The following STRIT1 variants were observed in gnomAD, a reference collection of about 807,000 sequenced individuals.
The protein encoded by STRIT1 is small transmembrane regulator of ion transport 1.
At chr3:155,291,765 T>C (rs1473414203) in intron 1 of STRIT1, among the ~76,000 whole-genome samples, 2 of 152,174 alleles carry the variant, frequency 1.3e-5, no homozygotes, top group African/African-American at 4.8e-5. Flanking sequence ...TTTGTACTCT[T>C]ACCTGTAAAA....
chr3:155,290,709 T>C lies in STRIT1; in HGVS notation c.*142A>G. ...ATTGTCCTGAAGAAATTCTTATGCA[T>C]ACCAAAGTGCCAGTTTATGATCCAA... On this transcript the variant is annotated 3_prime_UTR_variant, in exon 3 of 3. Coordinates refer to ENST00000489090, the MANE Select transcript of STRIT1 (RefSeq NM_001352129.2). 2 of 327,284 alleles carry C rather than the reference T, an allele frequency of 6.1e-6. No homozygotes were observed. Among genetic ancestry groups the C allele is most frequent in the Non-Finnish European group, 1.1e-5 (2 of 182,004 alleles). 20.3% of individuals were successfully genotyped at this position (327,284 alleles called of 1,614,324 possible). A position where few individuals can be genotyped will look rare whatever the true frequency, so the allele number is the denominator to read the frequency against.
chr3:155,292,381 T>A (rs1715657182), intron 1 of STRIT1, among the ~76,000 whole-genome samples: 1 of 152,142 alleles, frequency 6.6e-6, no homozygotes. Context: ...AGCCTTTTTA[T>A]GAATTAAGGT....
rs1715689634 is a variant in STRIT1, at chr3:155,293,607, C to T, written c.13+13G>A. Reference sequence around the variant, plus strand: ...TTTTTTTTGCCAAGAGAATCCTATGCCTTAAATCTTACCTTTTTCAGCCAT... The same window carrying T: ...TTTTTTTTGCCAAGAGAATCCTATGTCTTAAATCTTACCTTTTTCAGCCAT... On this transcript the variant is annotated intron_variant, in intron 1 of 2. Transcript: ENST00000489090. 3 of 395,092 alleles carry T rather than the reference C, an allele frequency of 7.6e-6. No individual in the cohort carries two copies. In the Admixed American group the frequency reaches 1.3e-4, roughly 18 times the overall value. 24.5% of individuals were successfully genotyped at this position (395,092 alleles called of 1,614,324 possible).
intron 1 of STRIT1, among the ~76,000 whole-genome samples, 185 bp downstream of exon 1, chr3:155,293,435 C>A (rs936794267): frequency 5.9e-5 from 9 of 152,202 alleles, no homozygotes; most frequent in Non-Finnish European, 1.2e-4. Context: ...AACCTATAGA[C>A]CTGATCCATA....
chr3:155,291,481 C>A (rs971539121), intron 1 of STRIT1, among the ~76,000 whole-genome samples: 1 of 152,128 alleles, frequency 6.6e-6, no homozygotes, highest in Non-Finnish European at 1.5e-5. Context: ...TCTAATACAA[C>A]TCTGAGGCAA....
At chr3:155,293,115 CT>C (rs1715675543) in intron 1 of STRIT1, among the ~76,000 whole-genome samples, 1 of 151,824 alleles carries the variant, frequency 6.6e-6, no homozygotes, top group Non-Finnish European at 1.5e-5. Flanking sequence ...TTTTATATAA[CT>C]ATAAAATATA....
At chr3:155,292,290 C>T (rs1715655658) in intron 1 of STRIT1, among the ~76,000 whole-genome samples, 2 of 152,142 alleles carry the variant, frequency 1.3e-5, no homozygotes, top group Admixed American at 6.6e-5. Context: ...AAATGGAAAA[C>T]TCTTCTCTTT....
intron 1 of STRIT1, among the ~76,000 whole-genome samples, chr3:155,292,912 C>G (rs1715670197): frequency 6.6e-6 from 1 of 152,174 alleles, no homozygotes; most frequent in South Asian, 2.1e-4. Flanking sequence ...GGTGCCACCA[C>G]TCTTTAGCGA....
chr3:155,291,811 C>T (rs1715646180), intron 1 of STRIT1, among the ~76,000 whole-genome samples: 2 of 152,092 alleles, frequency 1.3e-5, no homozygotes, highest in Admixed American at 1.3e-4. Context: ...AAAGTATGCA[C>T]TGCATGTAAC....
At chr3:155,291,881 AC>A (rs1715647499) in intron 1 of STRIT1, among the ~76,000 whole-genome samples, 1 of 152,158 alleles carries the variant, frequency 6.6e-6, no homozygotes, top group African/African-American at 2.4e-5. Context: ...CCTACATCAC[AC>A]AAAAAGATTT....
At chr3:155,291,393 G>A (rs1016581444) in intron 1 of STRIT1, 11 of 166,390 alleles carry the variant, frequency 6.6e-5, no homozygotes, top group African/African-American at 9.5e-5. Context: ...TCTAACCACC[G>A]TGTGTGTTTA....
intron 1 of STRIT1, among the ~76,000 whole-genome samples, chr3:155,293,348 T>C (rs1291315983): frequency 1.3e-5 from 2 of 152,080 alleles, no homozygotes; most frequent in Non-Finnish European, 2.9e-5. Context: ...GGAGAACTGA[T>C]TTCTAACTCA....
In STRIT1 at chr3:155,290,750, T is replaced by A. The variant is rs1180262978; in HGVS notation, c.*101A>T. ...TATGATCCAAGTTTGTAAAGTGATG[T>A]CAAACATTGCATTGTTTAACATGAG... On this transcript the variant is annotated 3_prime_UTR_variant, in exon 3 of 3. Transcript: ENST00000489090. 2.7e-6 allele frequency: 1 copy of A among 368,428 alleles called. No homozygotes were observed. The highest frequency in any genetic ancestry group is 4.8e-6 in the Non-Finnish European group (1 of 207,534). 22.8% of individuals were successfully genotyped at this position (368,428 alleles called of 1,614,324 possible). A position where few individuals can be genotyped will look rare whatever the true frequency, so the allele number is the denominator to read the frequency against.
intron 1 of STRIT1, among the ~76,000 whole-genome samples, chr3:155,293,131 C>CA (rs899957535): frequency 3.4e-4 from 52 of 151,728 alleles, no homozygotes; most frequent in South Asian, 1.3e-3. Flanking sequence ...AATATAAATA[C>CA]AAAAAAATGT....
intron 1 of STRIT1, chr3:155,291,269 T>C (rs1715627933): frequency 3.0e-6 from 1 of 329,048 alleles, no homozygotes; most frequent in African/African-American, 2.1e-5. Context: ...CTTTGGCAAT[T>C]CTGGGCTTGA....
rs1230400910 is a variant in STRIT1 at position 155,290,670 on chromosome 3, A to C, written c.*181T>G. The C allele has an allele frequency of 3.9e-6, 1 of 256,596 alleles. No homozygotes were observed. Among genetic ancestry groups the C allele is most frequent in the Non-Finnish European group, 7.3e-6 (1 of 137,398 alleles). 15.9% of individuals were successfully genotyped at this position (256,596 alleles called of 1,614,324 possible). On this transcript the variant is annotated 3_prime_UTR_variant, in exon 3 of 3. Coordinates refer to ENST00000489090, the MANE Select transcript of STRIT1 (RefSeq NM_001352129.2). Reference sequence around the variant, plus strand: ...TCTCACTCAGAATATAGAGAAATTCACTCATAATTTCTTATTGTCCTGAAG... The same window carrying C: ...TCTCACTCAGAATATAGAGAAATTCCCTCATAATTTCTTATTGTCCTGAAG...
chr3:155,292,379 T>C (rs1715657089), intron 1 of STRIT1, among the ~76,000 whole-genome samples: 1 of 152,170 alleles, frequency 6.6e-6, no homozygotes, highest in Non-Finnish European at 1.5e-5. Context: ...AAAGCCTTTT[T>C]ATGAATTAAG....
rs1177624246 is a variant in STRIT1, at chr3:155,290,537, TTCTC to T, written c.*310_*313del. The T allele has an allele frequency of 1.3e-5, 2 of 151,404 alleles. 1 individual carries two copies. Among genetic ancestry groups the T allele is most frequent in the African/African-American group, 4.9e-5 (2 of 41,202 alleles). The allele number at this position is 151,404 out of a possible 1,614,324, so 9.4% of individuals were successfully genotyped here. On this transcript the variant is annotated 3_prime_UTR_variant, in exon 3 of 3. Transcript: ENST00000489090. ...CCACCTTGCACAGCCTCAGCCCACT[TTCTC>T]TATAGTTTTTTCCAGAGGGAAGGGG...
intron 1 of STRIT1, 149 bp from the exon 2 acceptor site, chr3:155,291,187 A>G: frequency 5.2e-6 from 2 of 386,010 alleles, no homozygotes. Flanking sequence ...TCTTTTCTAC[A>G]GAGAATACGT....
Sources: allele counts gnomAD v4.1 joint callset (sites outside exome capture counted in the v4.1 genomes callset), GRCh38; gene constraint gnomAD v4.1.1; transcripts MANE v1.5; gene names NCBI Gene and HGNC (gene_info 2026-07-23, HGNC 2026-07-21).